Variants in PLCB4 observed in about 807,000 individuals in gnomAD.
PLCB4 encodes 1-phosphatidylinositol 4,5-bisphosphate phosphodiesterase beta-4.
A neutral mutation model predicts 178.8 loss-of-function variants in PLCB4; 77 were observed. The ratio of observed to expected loss-of-function variants is 0.43; its 90% CI spans 0.36 to 0.52. PLCB4 has a LOEUF of 0.52. Ranked by LOEUF, PLCB4 falls within the 20% of genes least tolerant of loss-of-function variation. PLCB4 has a pLI of 0.00. For synonymous variants in PLCB4, 496 were observed against 490.8 expected (o/e 1.01, Z -0.14); for missense variants, 1,024 against 1,453.4 (o/e 0.70, Z 4.80).
intron 3 of PLCB4, among the ~76,000 whole-genome samples, chr20:9,244,179 C>A (rs1351183660): frequency 6.6e-6 from 1 of 152,140 alleles, no homozygotes; most frequent in Non-Finnish European, 1.5e-5. Flanking sequence ...TGAATCATTT[C>A]TCTTTCTCTA....
In PLCB4 at chr20:9,312,383, C is replaced by G. The variant is rs994757048; in HGVS notation, c.84+4485C>G. ...ACACACACACACACACACACACACA[C>G]ACACACACACACACGCACGCACTCA... On this transcript the variant is annotated intron_variant, in intron 4 of 39. Coordinates refer to ENST00000378473, the MANE Select transcript of PLCB4 (RefSeq NM_001377142.1). Among the ~76,000 whole-genome samples, 9 of 151,046 alleles carry G rather than the reference C, an allele frequency of 6.0e-5. No individual in the cohort carries two copies. The East Asian group carries it at 1.6e-3, about 26-fold the overall frequency.
At chr20:9,305,879 T>A (rs571803284) in intron 3 of PLCB4, among the ~76,000 whole-genome samples, 45 of 152,292 alleles carry the variant, frequency 3.0e-4, no homozygotes, top group Admixed American at 7.9e-4. Flanking sequence ...ACCTCTAGCT[T>A]ATCTTTTCTC....
chr20:9,312,776 T>G lies in PLCB4; in HGVS notation c.84+4878T>G, dbSNP rs777680333. ...CCAAGAGCACTTGAGGAAGAGAATT[T>G]TACGTAGGAAAGGAAAGGAAAAGTG... On this transcript the variant is annotated intron_variant, in intron 4 of 39. Transcript: ENST00000378473. Among the ~76,000 whole-genome samples, 21 of 152,152 alleles carry G rather than the reference T, an allele frequency of 1.4e-4. 1 individual carries two copies. Among genetic ancestry groups the G allele is most frequent in the Non-Finnish European group, 2.2e-4 (15 of 68,020 alleles).
chr20:9,341,987 T>A (rs1380903371), intron 7 of PLCB4, among the ~76,000 whole-genome samples: 1 of 152,170 alleles, frequency 6.6e-6, no homozygotes, highest in Non-Finnish European at 1.5e-5. Flanking sequence ...TAAATATAAA[T>A]CTCATTGTCC....
intron 2 of PLCB4, among the ~76,000 whole-genome samples, chr20:9,156,608 G>T (rs59715855): frequency 6.6e-6 from 1 of 152,060 alleles, no homozygotes; most frequent in Non-Finnish European, 1.5e-5. Flanking sequence ...CATTGACTTA[G>T]GTTTTAGAAA....
At chr20:9,161,804 T>C (rs2092892495) in intron 2 of PLCB4, among the ~76,000 whole-genome samples, 1 of 152,158 alleles carries the variant, frequency 6.6e-6, no homozygotes. Context: ...CTTTTTCACT[T>C]TTTAGATTCT....
intron 3 of PLCB4, among the ~76,000 whole-genome samples, chr20:9,270,879 G>A (rs1262787325): frequency 6.6e-6 from 1 of 151,986 alleles, no homozygotes; most frequent in African/African-American, 2.4e-5. Flanking sequence ...ATACTATCAT[G>A]GAAAGATCAG....
chr20:9,202,941 A>C (rs1054824116), intron 2 of PLCB4, among the ~76,000 whole-genome samples: 2 of 151,582 alleles, frequency 1.3e-5, no homozygotes, highest in Non-Finnish European at 2.9e-5. Context: ...AAACAAAAAC[A>C]AAAACCAGGT....
At chr20:9,113,880 G>T (rs946929382) in intron 2 of PLCB4, among the ~76,000 whole-genome samples, 4 of 152,096 alleles carry the variant, frequency 2.6e-5, no homozygotes, top group African/African-American at 9.7e-5. Flanking sequence ...AGGGTAGAAA[G>T]GGAGTGCCTA....
At chr20:9,115,674 C>T (rs6140865) in intron 2 of PLCB4, among the ~76,000 whole-genome samples, 127,065 of 149,486 alleles carry the variant, frequency 0.85, 54,088 homozygotes, top group East Asian at 1. Flanking sequence ...TGAGAACATG[C>T]GGTAAAACTT....
intron 3 of PLCB4, among the ~76,000 whole-genome samples, chr20:9,245,371 A>G (rs2094113950): frequency 6.6e-6 from 1 of 152,180 alleles, no homozygotes; most frequent in Non-Finnish European, 1.5e-5. Flanking sequence ...AATCCATGTC[A>G]AATCCCTGGA....
chr20:9,377,114 C>T (rs1160679850), intron 12 of PLCB4, among the ~76,000 whole-genome samples: 1 of 152,096 alleles, frequency 6.6e-6, no homozygotes, highest in Non-Finnish European at 1.5e-5. Context: ...TTCATCTCTC[C>T]CAGTGCTACT....
chr20:9,237,162 G>A (rs1389600618), intron 3 of PLCB4, among the ~76,000 whole-genome samples: 1 of 152,062 alleles, frequency 6.6e-6, no homozygotes, highest in African/African-American at 2.4e-5. Context: ...TAATTCACAT[G>A]TGGGAAAATG....
chr20:9,467,663 C>A (rs909383670), intron 35 of PLCB4, among the ~76,000 whole-genome samples: 1 of 152,116 alleles, frequency 6.6e-6, no homozygotes, highest in African/African-American at 2.4e-5. Flanking sequence ...ATGGTAAAAT[C>A]TGAGAGTGAT....
At chr20:9,355,372 C>T (rs8116707) in intron 7 of PLCB4, among the ~76,000 whole-genome samples, 73 of 151,900 alleles carry the variant, frequency 4.8e-4, no homozygotes, top group African/African-American at 1.6e-3. Context: ...TATACATGTA[C>T]CATGCTGGTG....
chr20:9,322,470 G>T (rs571258942), intron 4 of PLCB4, among the ~76,000 whole-genome samples: 1 of 152,258 alleles, frequency 6.6e-6, no homozygotes, highest in South Asian at 2.1e-4. Flanking sequence ...CACTTGCTCC[G>T]AAATGCTGCT....
chr20:9,261,333 A>G (rs2094295541), intron 3 of PLCB4, among the ~76,000 whole-genome samples: 1 of 152,212 alleles, frequency 6.6e-6, no homozygotes, highest in South Asian at 2.1e-4. Flanking sequence ...CCAAACAAGA[A>G]ATTAAATACT....
intron 38 of PLCB4, among the ~76,000 whole-genome samples, 173 bp downstream of exon 38, chr20:9,473,538 A>G (rs1402439320): frequency 6.6e-6 from 1 of 152,214 alleles, no homozygotes; most frequent in Non-Finnish European, 1.5e-5. Flanking sequence ...AGAAAGTACC[A>G]GTTTTTGGAG....
At chr20:9,099,828 T>A (rs1395302757) in intron 2 of PLCB4, among the ~76,000 whole-genome samples, 1 of 152,160 alleles carries the variant, frequency 6.6e-6, no homozygotes, top group Non-Finnish European at 1.5e-5. Context: ...TCCCTTTCAT[T>A]ATGGCCCATA....
Sources: allele counts gnomAD v4.1 joint callset (sites outside exome capture counted in the v4.1 genomes callset), GRCh38; gene constraint gnomAD v4.1.1; transcripts MANE v1.5; gene names NCBI Gene and HGNC (gene_info 2026-07-23, HGNC 2026-07-21).